The following EXOC6B variants were observed in gnomAD, a reference collection of about 807,000 sequenced individuals.
The protein encoded by EXOC6B is SEC15 homolog B.
EXOC6B carries 54 observed loss-of-function variants against 113.5 expected under a neutral mutation model. The ratio of observed to expected loss-of-function variants is 0.48; its 90% CI spans 0.38 to 0.60. EXOC6B has a LOEUF of 0.60. Among genes scored for constraint, EXOC6B ranks in the 20% least tolerant of loss-of-function variants. The pLI is 0.00. For synonymous variants in EXOC6B, 357 were observed against 339.0 expected (o/e 1.05, Z -0.58); for missense variants, 797 against 977.5 (o/e 0.82, Z 2.46).
intron 19 of EXOC6B, among the ~76,000 whole-genome samples, chr2:72,340,919 C>G (rs570200560): frequency 6.6e-6 from 1 of 152,058 alleles, no homozygotes; most frequent in Admixed American, 6.6e-5. Context: ...CACAGGGAAT[C>G]CAATTCAGAT....
intron 18 of EXOC6B, among the ~76,000 whole-genome samples, chr2:72,390,372 T>G (rs1276080692): frequency 6.6e-6 from 1 of 152,238 alleles, no homozygotes; most frequent in Non-Finnish European, 1.5e-5. Context: ...ATTTGCCTTC[T>G]AATTCTGTCA....
At chr2:72,775,218 C>T (rs189867277) in intron 1 of EXOC6B, among the ~76,000 whole-genome samples, 3 of 152,168 alleles carry the variant, frequency 2.0e-5, no homozygotes, top group African/African-American at 4.8e-5. Flanking sequence ...GTGATTGGGG[C>T]TCTCTCCCCT....
chr2:72,673,785 T>G (rs894607040), intron 6 of EXOC6B, among the ~76,000 whole-genome samples: 1 of 150,690 alleles, frequency 6.6e-6, no homozygotes, highest in Admixed American at 6.6e-5. Context: ...TTTTATTTTT[T>G]TTTGACTAAG....
In EXOC6B at chr2:72,428,001, A is replaced by G. The variant is rs549070185; in HGVS notation, c.1980+37159T>C. On this transcript the variant is annotated intron_variant, in intron 18 of 21. Transcript: ENST00000272427. ...AAACATGTTGGGATGTCCTGCCTGC[A>G]AAGAGGAGCTACCCTCTCCTAGAAG... 2.0e-5 allele frequency among the ~76,000 whole-genome samples: 3 copies of G among 152,266 alleles called. No homozygotes were observed. In the South Asian group the frequency reaches 6.2e-4, roughly 32 times the overall value.
intron 19 of EXOC6B, among the ~76,000 whole-genome samples, chr2:72,352,122 A>T (rs145645842): frequency 7.5e-4 from 114 of 152,294 alleles, no homozygotes; most frequent in Non-Finnish European, 1.5e-3. Flanking sequence ...TACATATAAC[A>T]AATTACTGAA....
intron 6 of EXOC6B, among the ~76,000 whole-genome samples, chr2:72,709,378 T>C (rs1346042726): frequency 1.3e-5 from 2 of 152,168 alleles, no homozygotes; most frequent in African/African-American, 4.8e-5. Context: ...CAGGAAGATC[T>C]ATCCCCCAGG....
intron 5 of EXOC6B, among the ~76,000 whole-genome samples, chr2:72,729,231 G>C (rs1167600841): frequency 6.6e-6 from 1 of 151,784 alleles, no homozygotes; most frequent in African/African-American, 2.4e-5. Flanking sequence ...GTAAGGAAAG[G>C]AATAGGACCA....
At chr2:72,391,223 T>A (rs1692354282) in intron 18 of EXOC6B, among the ~76,000 whole-genome samples, 1 of 152,204 alleles carries the variant, frequency 6.6e-6, no homozygotes, top group Admixed American at 6.5e-5. Context: ...GTATTCTAGA[T>A]GTTTATGGTT....
chr2:72,335,150 T>C, intron 19 of EXOC6B, 130 bp from the exon 20 acceptor site: 1 of 749,756 alleles, frequency 1.3e-6, no homozygotes, highest in Non-Finnish European at 2.3e-6. Flanking sequence ...GTCATGTCTC[T>C]CTCCCTTCAG....
At chr2:72,618,693 G>A (rs1231582111) in intron 6 of EXOC6B, among the ~76,000 whole-genome samples, 1 of 152,086 alleles carries the variant, frequency 6.6e-6, no homozygotes, top group Non-Finnish European at 1.5e-5. Context: ...TAACATGAAT[G>A]GAAAAAAAGA....
chr2:72,347,775 G>A (rs1689421311), intron 19 of EXOC6B, among the ~76,000 whole-genome samples: 1 of 151,920 alleles, frequency 6.6e-6, no homozygotes, highest in East Asian at 1.9e-4. Context: ...CAGCTTTTTT[G>A]GCTGGTAGCA....
intron 18 of EXOC6B, among the ~76,000 whole-genome samples, chr2:72,383,984 CT>C (rs1691843722): frequency 1.3e-5 from 2 of 151,978 alleles, no homozygotes; most frequent in Non-Finnish European, 2.9e-5. Flanking sequence ...ATAACAGATG[CT>C]AGGGCCTGCT....
At chr2:72,665,896 C>T (rs187217606) in intron 6 of EXOC6B, among the ~76,000 whole-genome samples, 2 of 152,058 alleles carry the variant, frequency 1.3e-5, no homozygotes, top group Admixed American at 6.5e-5. Context: ...CACAGAGTGG[C>T]AAGGTGAATA....
chr2:72,802,968 A>C (rs1685380580), intron 1 of EXOC6B, among the ~76,000 whole-genome samples: 1 of 152,178 alleles, frequency 6.6e-6, no homozygotes, highest in Non-Finnish European at 1.5e-5. Flanking sequence ...CGGTTTGAAA[A>C]ACACTTCTTA....
At chr2:72,710,406 T>G (rs1295595794) in intron 6 of EXOC6B, among the ~76,000 whole-genome samples, 1 of 152,026 alleles carries the variant, frequency 6.6e-6, no homozygotes, top group African/African-American at 2.4e-5. Flanking sequence ...CAAGTAATTT[T>G]TTAAGGCAAG....
chr2:72,795,448 C>A (rs576091573), intron 1 of EXOC6B, among the ~76,000 whole-genome samples: 1 of 152,042 alleles, frequency 6.6e-6, no homozygotes, highest in East Asian at 1.9e-4. Flanking sequence ...TTGTGACGGG[C>A]GCCTGTAGTC....
intron 17 of EXOC6B, among the ~76,000 whole-genome samples, chr2:72,480,135 C>T (rs113542266): frequency 0.018 from 2,727 of 151,644 alleles, 77 homozygotes; most frequent in African/African-American, 0.062. Flanking sequence ...ACCCAGGAGA[C>T]AGGGGTTGCG....
At chr2:72,811,060 G>T (rs1156991886) in intron 1 of EXOC6B, among the ~76,000 whole-genome samples, 3 of 151,940 alleles carry the variant, frequency 2.0e-5, no homozygotes, top group African/African-American at 4.8e-5. Context: ...AGACCAGGTG[G>T]GGTGGCTCAG....
chr2:72,283,790 G>A (rs1439277505), intron 20 of EXOC6B, among the ~76,000 whole-genome samples: 1 of 152,042 alleles, frequency 6.6e-6, no homozygotes, highest in African/African-American at 2.4e-5. Context: ...CTGACCTGGG[G>A]GAGGGGAAAT....
Sources: gnomAD v4.1 joint callset for allele counts (sites outside exome capture counted in the v4.1 genomes callset) on GRCh38, gnomAD v4.1.1 for gene constraint, MANE v1.5 for transcripts, NCBI Gene and HGNC (gene_info 2026-07-23, HGNC 2026-07-21) for gene names.